Variants in CATSPERD observed in about 807,000 individuals in gnomAD.
CATSPERD encodes the protein cation channel sperm-associated auxiliary subunit delta.
Under a neutral mutation model 98.1 loss-of-function variants are expected in CATSPERD, and 86 were observed. The observed-to-expected ratio is 0.88, with a 90% CI of 0.74 to 1.05. CATSPERD has a LOEUF of 1.05. CATSPERD is among the 50% of genes least tolerant of loss of function. The pLI is 0.00. For missense variants in CATSPERD, 995 were observed against 1,005.7 expected (o/e 0.99, Z 0.14); for synonymous variants, 394 against 390.2 (o/e 1.01, Z -0.12).
intron 2 of CATSPERD, among the ~76,000 whole-genome samples, chr19:5,726,013 A>AG (rs2055597458): frequency 6.6e-6 from 1 of 152,122 alleles, no homozygotes; most frequent in African/African-American, 2.4e-5. Flanking sequence ...GTAAACAAAT[A>AG]GTAACATGAA....
chr19:5,721,287 C>T lies in CATSPERD; in HGVS notation c.71+479C>T, dbSNP rs1018789813. On this transcript the variant is annotated intron_variant, in intron 1 of 21. Transcript: ENST00000381624. ...AAAGTGCTGGGATTACAGGCGTGAG[C>T]CACCACGCCGGGCCTAGCCCTCCCA... 2.6e-5 allele frequency among the ~76,000 whole-genome samples: 4 copies of T among 152,142 alleles called. 1 individual carries two copies. Among genetic ancestry groups the T allele is most frequent in the African/African-American group, 9.7e-5 (4 of 41,422 alleles).
intron 15 of CATSPERD, 92 bp downstream of exon 15, chr19:5,759,236 C>A: frequency 8.6e-7 from 1 of 1,168,150 alleles, no homozygotes; most frequent in Non-Finnish European, 1.3e-6. Flanking sequence ...ATCAGACCCC[C>A]AGCTCCAGAA....
intron 3 of CATSPERD, among the ~76,000 whole-genome samples, chr19:5,727,552 G>A (rs979767635): frequency 2.0e-5 from 3 of 152,062 alleles, no homozygotes; most frequent in Admixed American, 2.0e-4. Context: ...AGTATAGTGT[G>A]GTACCACCTG....
chr19:5,744,739 T>C (rs913281610), intron 8 of CATSPERD, among the ~76,000 whole-genome samples: 6 of 151,886 alleles, frequency 4.0e-5, no homozygotes, highest in African/African-American at 1.5e-4. Context: ...TAGCTGGGAC[T>C]ATGGGCTCGT....
At position 5,726,060 on chromosome 19, in the gene CATSPERD, AT is replaced by A. The variant is rs796326447; in HGVS notation, c.127-1192del. On this transcript the variant is annotated intron_variant, in intron 2 of 21. Transcript: ENST00000381624. ...TGTGATATGAATAATTACCCTGTTA[AT>A]TTTTTTTTTTTTTTTCCTGAGATGG... 5.8e-3 allele frequency among the ~76,000 whole-genome samples: 825 copies of A among 143,010 alleles called. 5 individuals carry two copies. Among genetic ancestry groups the A allele is most frequent in the Middle Eastern group, 0.015 (4 of 266 alleles). 93.8% of individuals were successfully genotyped at this position (143,010 alleles called of 152,430 possible).
At chr19:5,738,071 C>A (rs149060620) in intron 6 of CATSPERD, among the ~76,000 whole-genome samples, 167 of 151,924 alleles carry the variant, frequency 1.1e-3, no homozygotes, top group African/African-American at 3.9e-3. Flanking sequence ...CACCCTCCAC[C>A]CCACACAGTT....
chr19:5,774,534 C>A (rs1416612953), intron 20 of CATSPERD, among the ~76,000 whole-genome samples: 1 of 150,710 alleles, frequency 6.6e-6, no homozygotes, highest in Non-Finnish European at 1.5e-5. Flanking sequence ...ACTAAAAATA[C>A]AAAAATTACC....
At chr19:5,754,033 C>A in intron 12 of CATSPERD, 99 bp from the exon 13 acceptor site, 1 of 771,364 alleles carries the variant, frequency 1.3e-6, no homozygotes, top group Non-Finnish European at 2.3e-6. Flanking sequence ...GAGATTCAGG[C>A]TGCAGGACCA....
At chr19:5,741,091 A>C (rs2055954365) in intron 7 of CATSPERD, among the ~76,000 whole-genome samples, 1 of 151,912 alleles carries the variant, frequency 6.6e-6, no homozygotes, top group Non-Finnish European at 1.5e-5. Context: ...TCTTAAAAAA[A>C]AGAAAAGAAA....
chr19:5,724,995 T>G (rs548263267), intron 2 of CATSPERD, 133 bp downstream of exon 2: 22 of 812,868 alleles, frequency 2.7e-5, no homozygotes, highest in Non-Finnish European at 4.4e-5. Flanking sequence ...GTCTTTACAG[T>G]TCTTTCCCCT....
rs2056272419 is a variant in CATSPERD at position 5,753,869 on chromosome 19, T to A, written c.1165-263T>A. Among the ~76,000 whole-genome samples the A allele has an allele frequency of 3.3e-5, 5 of 150,802 alleles. No individual in the cohort carries two copies. The South Asian group carries it at 6.2e-4, about 19-fold the overall frequency. On this transcript the variant is annotated intron_variant, in intron 12 of 21. Transcript: ENST00000381624. The stretch of plus-strand genomic sequence containing the variant: ...GCCTGGGCGACAGAGCGAGACCCTG[T>A]CTCAAAAAAAAAAGAAAGGAACAGA...
intron 3 of CATSPERD, among the ~76,000 whole-genome samples, chr19:5,727,798 C>G (rs1195292495): frequency 6.6e-6 from 1 of 152,030 alleles, no homozygotes; most frequent in African/African-American, 2.4e-5. Flanking sequence ...CAGGTATGTC[C>G]ACCATGCCAG....
chr19:5,748,260 G>A lies in CATSPERD; in HGVS notation c.904+5G>A, dbSNP rs377253618. The A allele has an allele frequency of 8.1e-6, 13 of 1,611,932 alleles. No individual in the cohort carries two copies. Among genetic ancestry groups the A allele is most frequent in the African/African-American group, 2.7e-5 (2 of 74,852 alleles). On this transcript the variant is annotated splice_donor_5th_base_variant and intron_variant, in intron 10 of 21. Coordinates refer to ENST00000381624, the MANE Select transcript of CATSPERD (RefSeq NM_152784.4). Reference sequence around the variant, plus strand: ...CCATCCACAACATTGCTGTCAGTGCGTAGCCGACCCACTGCTAGCCAAGAA... The same window carrying A: ...CCATCCACAACATTGCTGTCAGTGCATAGCCGACCCACTGCTAGCCAAGAA...
chr19:5,760,615 A>G (rs1311103045), intron 15 of CATSPERD, among the ~76,000 whole-genome samples: 1 of 151,946 alleles, frequency 6.6e-6, no homozygotes. Context: ...TGAGTGTTTC[A>G]TGAGGACCAA....
At chr19:5,730,595 G>A (rs2055695907) in intron 4 of CATSPERD, among the ~76,000 whole-genome samples, 1 of 129,264 alleles carries the variant, frequency 7.7e-6, no homozygotes, top group South Asian at 2.6e-4. Flanking sequence ...AGGTGGGATG[G>A]TATCTTACTT....
At chr19:5,758,989 T>C (rs2056381702) in intron 14 of CATSPERD, 97 bp from the exon 15 acceptor site, 3 of 1,008,472 alleles carry the variant, frequency 3.0e-6, no homozygotes, top group Non-Finnish European at 3.1e-6. Context: ...CGTCCCCCCA[T>C]GTCCCCTCCA....
At chr19:5,743,846 A>T (rs2056044757) in intron 7 of CATSPERD, among the ~76,000 whole-genome samples, 1 of 152,150 alleles carries the variant, frequency 6.6e-6, no homozygotes, top group Non-Finnish European at 1.5e-5. Context: ...TGTCCAGCTA[A>T]CAATCAGGAA....
rs1213431463 is a variant in CATSPERD at position 5,732,588 on chromosome 19, A to G, written c.277-1268A>G. On this transcript the variant is annotated intron_variant, in intron 4 of 21. Coordinates refer to ENST00000381624, the MANE Select transcript of CATSPERD (RefSeq NM_152784.4). ...GCTGGGACTACAGGCGCCCGCCACC[A>G]CGCCCGGCTAATTTTTTGTATTTTT... Among the ~76,000 whole-genome samples, 23 of 151,892 alleles carry G rather than the reference A, an allele frequency of 1.5e-4. No individual in the cohort carries two copies. In the South Asian group the frequency reaches 3.7e-3, roughly 25 times the overall value.
At chr19:5,754,038 G>GGT (rs777621711) in intron 12 of CATSPERD, 94 bp from the exon 13 acceptor site, 2 of 801,516 alleles carry the variant, frequency 2.5e-6, no homozygotes, top group Non-Finnish European at 2.2e-6. Flanking sequence ...TCAGGCTGCA[G>GGT]GACCAGGAGG....
Sources: allele counts gnomAD v4.1 joint callset (sites outside exome capture counted in the v4.1 genomes callset), GRCh38; gene constraint gnomAD v4.1.1; transcripts MANE v1.5; gene names NCBI Gene and HGNC (gene_info 2026-07-23, HGNC 2026-07-21).